SHISA9: variants seen among roughly 807,000 people sequenced by gnomAD.
The protein encoded by SHISA9 is shisa family member 9.
A neutral mutation model predicts 38.0 loss-of-function variants in SHISA9; 13 were observed. The ratio of observed to expected loss-of-function variants is 0.34; its 90% CI spans 0.22 to 0.54. The LOEUF (loss-of-function observed/expected upper bound fraction) is 0.54. Among genes scored for constraint, SHISA9 ranks in the 20% least tolerant of loss-of-function variants. The probability of loss-of-function intolerance (pLI) is 0.91; values close to 1 mark genes in which losing one functional copy is unlikely to be tolerated. For synonymous variants in SHISA9, 275 were observed against 242.0 expected, an observed-to-expected ratio of 1.14 and a Z score of -1.27; for missense variants, 538 against 575.8, an observed-to-expected ratio of 0.93 and a Z score of 0.67.
intron 2 of SHISA9, among the ~76,000 whole-genome samples, chr16:13,096,894 G>A (rs1471891447): frequency 6.6e-6 from 1 of 151,734 alleles, no homozygotes; most frequent in Non-Finnish European, 1.5e-5. Context: ...GCTCAGACAG[G>A]CCATTCTCTG....
intron 2 of SHISA9, among the ~76,000 whole-genome samples, chr16:12,931,152 G>C (rs1232562833): frequency 1.3e-5 from 2 of 152,214 alleles, no homozygotes; most frequent in African/African-American, 2.4e-5. Flanking sequence ...AAAAGTACGG[G>C]AGGAAAGTGG....
the SHISA9 span, chr16:13,350,042 G>A: frequency 6.6e-6 from 1 of 152,282 alleles, no homozygotes; most frequent in African/African-American, 2.4e-5. Flanking sequence ...GTGTGTTTTG[G>A]GAAGAGGTTG....
the SHISA9 span, among the ~76,000 whole-genome samples, chr16:13,553,221 G>A: frequency 6.6e-6 from 1 of 152,124 alleles, no homozygotes; most frequent in Non-Finnish European, 1.5e-5. Context: ...CAGAAAGTAG[G>A]ACTATTCATT....
intron 2 of SHISA9, among the ~76,000 whole-genome samples, chr16:13,030,906 T>C (rs2072983178): frequency 6.6e-6 from 1 of 152,098 alleles, no homozygotes; most frequent in Non-Finnish European, 1.5e-5. Flanking sequence ...TTCTAAGTAT[T>C]GGTTGAGTGA....
intron 2 of SHISA9, among the ~76,000 whole-genome samples, chr16:12,980,352 G>A (rs7188468): frequency 0.18 from 27,096 of 152,100 alleles, 2,702 homozygotes; most frequent in African/African-American, 0.25. Context: ...TTGAATGACA[G>A]CTTAATTGGA....
At chr16:13,218,977 C>T (rs921183416) in intron 4 of SHISA9, among the ~76,000 whole-genome samples, 13 of 152,270 alleles carry the variant, frequency 8.5e-5, no homozygotes, top group South Asian at 2.1e-4. Flanking sequence ...CATGAGCCGC[C>T]GGGTGCAAAG....
At chr16:13,502,692 T>C in the SHISA9 span, among the ~76,000 whole-genome samples, 4 of 152,024 alleles carry the variant, frequency 2.6e-5, no homozygotes. Flanking sequence ...CTGGCCAACA[T>C]GGTGAAACCC....
the SHISA9 span, among the ~76,000 whole-genome samples, chr16:13,510,201 G>C: frequency 1.3e-5 from 2 of 152,088 alleles, no homozygotes; most frequent in African/African-American, 4.8e-5. Flanking sequence ...CCAGCTACAC[G>C]GGAGGCTGAG....
At chr16:13,266,923 A>C in the SHISA9 span, among the ~76,000 whole-genome samples, 1 of 152,214 alleles carries the variant, frequency 6.6e-6, no homozygotes, top group African/African-American at 2.4e-5. Flanking sequence ...CATCAGATTC[A>C]ACACTGAAAA....
intron 2 of SHISA9, among the ~76,000 whole-genome samples, chr16:12,918,834 A>G (rs2071291761): frequency 6.6e-6 from 1 of 152,178 alleles, no homozygotes; most frequent in African/African-American, 2.4e-5. Context: ...CCAGATATTA[A>G]TTTTATATAA....
chr16:12,992,800 T>C (rs989570559), intron 2 of SHISA9, among the ~76,000 whole-genome samples: 2 of 152,226 alleles, frequency 1.3e-5, no homozygotes, highest in Non-Finnish European at 2.9e-5. Context: ...TCAAAGGGCA[T>C]GCATTACAGG....
In SHISA9 at chr16:13,022,137, C is replaced by G. The variant is rs548495041; in HGVS notation, c.691+105322C>G. ...TTGTTCCTTCTGTATCTGCGTGTCT[C>G]AAATCTCCCCCTGCCTTACTTTTTA... On this transcript the variant is annotated intron_variant, in intron 2 of 4. Transcript: ENST00000558583. Among the ~76,000 whole-genome samples, 4 of 152,114 alleles carry G rather than the reference C, an allele frequency of 2.6e-5. No homozygotes were observed. The South Asian group carries it at 8.3e-4, about 32-fold the overall frequency.
chr16:13,528,089 G>C, the SHISA9 span, among the ~76,000 whole-genome samples: 1 of 152,048 alleles, frequency 6.6e-6, no homozygotes, highest in Non-Finnish European at 1.5e-5. Context: ...ATACTGCCTG[G>C]CACTTCGGGG....
chr16:12,953,438 A>G (rs769659928), intron 2 of SHISA9, among the ~76,000 whole-genome samples: 11 of 152,214 alleles, frequency 7.2e-5, no homozygotes, highest in Non-Finnish European at 1.3e-4. Flanking sequence ...CTTGTTCATC[A>G]GTGCTAGGAT....
At chr16:12,919,633 G>C (rs544548638) in intron 2 of SHISA9, among the ~76,000 whole-genome samples, 8 of 152,330 alleles carry the variant, frequency 5.3e-5, no homozygotes, top group Admixed American at 4.6e-4. Context: ...GGGCCATGGA[G>C]AGAGACTTGG....
intron 2 of SHISA9, among the ~76,000 whole-genome samples, chr16:13,065,395 T>C (rs531312990): frequency 2.0e-4 from 31 of 152,184 alleles, no homozygotes; most frequent in Non-Finnish European, 3.5e-4. Context: ...ATTTATAAAC[T>C]ATGAACCAGT....
At chr16:13,352,699 A>AGCGGGGGG in the SHISA9 span, among the ~76,000 whole-genome samples, 2 of 6,698 alleles carry the variant, frequency 3.0e-4, no homozygotes, top group African/African-American at 6.9e-4. Flanking sequence ...AAGGGAGATA[A>AGCGGGGGG]GGGGGGGGGG....
intron 2 of SHISA9, among the ~76,000 whole-genome samples, chr16:13,105,572 C>G (rs1304808305): frequency 2.0e-5 from 3 of 152,174 alleles, no homozygotes; most frequent in Non-Finnish European, 4.4e-5. Context: ...TGGGGAGACT[C>G]CGGAGGAGGG....
chr16:13,558,621 A>G, the SHISA9 span, among the ~76,000 whole-genome samples: 1 of 152,244 alleles, frequency 6.6e-6, no homozygotes. Flanking sequence ...TTCCTGAGCA[A>G]CACTTATCCA....
Sources: allele counts gnomAD v4.1 joint callset (sites outside exome capture counted in the v4.1 genomes callset), GRCh38; gene constraint gnomAD v4.1.1; transcripts MANE v1.5; gene names NCBI Gene and HGNC (gene_info 2026-07-23, HGNC 2026-07-21).